ANK3: variants seen among roughly 807,000 people sequenced by gnomAD.
ANK3 encodes the protein ankyrin 3, also known as ankyrin-3.
A neutral mutation model predicts 370.9 loss-of-function variants in ANK3; 57 were observed. The observed-to-expected ratio is 0.15, with a 90% CI of 0.12 to 0.19. The LOEUF is 0.19. Ranked by LOEUF, ANK3 falls within the 10% of genes least tolerant of loss-of-function variation. ANK3 has a pLI of 1.00. For missense variants in ANK3, 4,439 were observed against 5,302.1 expected, an observed-to-expected ratio of 0.84 and a Z score of 5.06; for synonymous variants, 1,929 against 1,946.3, an observed-to-expected ratio of 0.99 and a Z score of 0.23.
intron 7 of ANK3, among the ~76,000 whole-genome samples, chr10:60,237,233 C>G (rs899820398): frequency 6.6e-6 from 1 of 152,152 alleles, no homozygotes; most frequent in Admixed American, 6.5e-5. Context: ...TTTCTGAGTA[C>G]AAGTGTGTAT....
At chr10:60,030,501 A>G in intron 43 of ANK3, among the ~76,000 whole-genome samples, 1 of 152,106 alleles carries the variant, frequency 6.6e-6, no homozygotes, top group East Asian at 1.9e-4. Context: ...CACCCCCAGG[A>G]TGAAGGTCAC....
intron 1 of ANK3, among the ~76,000 whole-genome samples, chr10:60,349,349 G>A (rs576000399): frequency 1.1e-4 from 17 of 152,272 alleles, no homozygotes; most frequent in African/African-American, 3.1e-4. Flanking sequence ...AACCTCATGT[G>A]TTATAGCTCT....
chr10:60,133,782 G>C (rs1175354017), intron 25 of ANK3, among the ~76,000 whole-genome samples: 1 of 152,108 alleles, frequency 6.6e-6, no homozygotes, highest in African/African-American at 2.4e-5. Flanking sequence ...TTAGCTGGGT[G>C]TGGTGGTGCG....
intron 2 of ANK3, among the ~76,000 whole-genome samples, chr10:60,584,963 C>A (rs958923134): frequency 6.6e-6 from 1 of 152,148 alleles, no homozygotes; most frequent in African/African-American, 2.4e-5. Flanking sequence ...CAAACCTCAG[C>A]CTCTTCCCAT....
intron 1 of ANK3, among the ~76,000 whole-genome samples, chr10:60,640,013 A>C (rs1156364956): frequency 6.6e-6 from 1 of 152,106 alleles, no homozygotes; most frequent in African/African-American, 2.4e-5. Flanking sequence ...TGACGAAAGA[A>C]GATAGATCAT....
At chr10:60,542,118 G>T (rs1367650725) in intron 2 of ANK3, among the ~76,000 whole-genome samples, 1 of 151,666 alleles carries the variant, frequency 6.6e-6, no homozygotes, top group Non-Finnish European at 1.5e-5. Flanking sequence ...CAACCCTTTG[G>T]CTGTAATTTT....
chr10:60,545,230 C>A (rs183685624), intron 2 of ANK3, among the ~76,000 whole-genome samples: 6 of 151,534 alleles, frequency 4.0e-5, no homozygotes, highest in African/African-American at 1.5e-4. Flanking sequence ...GAGATGGAAG[C>A]CAAATCATAC....
intron 1 of ANK3, chr10:60,684,595 G>A: frequency 6.3e-7 from 1 of 1,589,370 alleles, no homozygotes; most frequent in East Asian, 2.3e-5. Flanking sequence ...TTTGGACTGT[G>A]CTGGAAAGAC....
At chr10:60,207,128 T>C (rs944132780) in intron 10 of ANK3, among the ~76,000 whole-genome samples, 2 of 152,346 alleles carry the variant, frequency 1.3e-5, no homozygotes, top group African/African-American at 2.4e-5. Flanking sequence ...CTTGAAATGC[T>C]GCTTTGGTAA....
chr10:60,222,388 T>G (rs2097075346), intron 8 of ANK3, among the ~76,000 whole-genome samples: 1 of 149,896 alleles, frequency 6.7e-6, no homozygotes, highest in East Asian at 2.0e-4. Flanking sequence ...GACTGAAAAG[T>G]ACCTGCCATT....
chr10:60,575,055 T>C (rs1414276505), intron 2 of ANK3, among the ~76,000 whole-genome samples: 6 of 152,186 alleles, frequency 3.9e-5, no homozygotes, highest in African/African-American at 1.4e-4. Flanking sequence ...GATTATAAAA[T>C]ATACAAAATA....
chr10:60,580,382 C>T lies in ANK3; in HGVS notation c.96+34804G>A, dbSNP rs2077734847. The stretch of plus-strand genomic sequence containing the variant: ...GTTCAGATGACAGCCAGCATATAAA[C>T]ACCATGGTTTCTTTGGTATACTGTC... On this transcript the variant is annotated intron_variant, in intron 2 of 43. Transcript: ENST00000373827. Among the ~76,000 whole-genome samples, 4 of 152,292 alleles carry T rather than the reference C, an allele frequency of 2.6e-5. No homozygotes were observed. The South Asian group carries it at 8.3e-4, about 32-fold the overall frequency.
intron 7 of ANK3, among the ~76,000 whole-genome samples, chr10:60,254,720 A>T (rs1170431046): frequency 6.6e-6 from 1 of 152,072 alleles, no homozygotes; most frequent in East Asian, 1.9e-4. Context: ...TATCCTGTGA[A>T]TTTTTCCATC....
At chr10:60,120,986 A>G (rs536645592) in intron 25 of ANK3, among the ~76,000 whole-genome samples, 1 of 152,312 alleles carries the variant, frequency 6.6e-6, no homozygotes, top group South Asian at 2.1e-4. Flanking sequence ...AAAGAAGTAT[A>G]TCAAAGAGAC....
intron 2 of ANK3, among the ~76,000 whole-genome samples, chr10:60,588,702 T>C (rs1287771588): frequency 2.0e-5 from 3 of 151,458 alleles, no homozygotes; most frequent in Non-Finnish European, 2.9e-5. Flanking sequence ...AGCCCAGGAG[T>C]TCGAGACCAG....
At chr10:60,383,093 A>G (rs984033162) in intron 1 of ANK3, among the ~76,000 whole-genome samples, 31 of 152,094 alleles carry the variant, frequency 2.0e-4, no homozygotes, top group African/African-American at 6.5e-4. Flanking sequence ...GGCCCAAGCA[A>G]GAAACTTACA....
intron 1 of ANK3, among the ~76,000 whole-genome samples, chr10:60,382,727 T>C (rs181694692): frequency 1.4e-4 from 21 of 151,194 alleles, no homozygotes; most frequent in Admixed American, 7.3e-4. Context: ...AAATAAAATT[T>C]GAATTATGTG....
At chr10:60,127,807 C>T (rs1166709121) in intron 25 of ANK3, among the ~76,000 whole-genome samples, 1 of 148,858 alleles carries the variant, frequency 6.7e-6, no homozygotes, top group African/African-American at 2.5e-5. Flanking sequence ...AAGCGATTTT[C>T]CTGCTTCAGC....
chr10:60,375,806 A>G (rs1392604228), intron 1 of ANK3, among the ~76,000 whole-genome samples: 1 of 152,186 alleles, frequency 6.6e-6, no homozygotes, highest in Non-Finnish European at 1.5e-5. Flanking sequence ...ATTTACCCTC[A>G]GCTTGTAATT....
Sources: gnomAD v4.1 joint callset for allele counts (sites outside exome capture counted in the v4.1 genomes callset) on GRCh38, gnomAD v4.1.1 for gene constraint, MANE v1.5 for transcripts, NCBI Gene and HGNC (gene_info 2026-07-23, HGNC 2026-07-21) for gene names.